CACNA1A: variants seen among roughly 807,000 people sequenced by gnomAD.
CACNA1A encodes voltage-dependent P/Q-type calcium channel subunit alpha-1A.
In CACNA1A, 57 loss-of-function variants were observed where a neutral mutation model predicts 262.4. The observed-to-expected ratio is 0.22, with a 90% confidence interval of 0.18 to 0.27. The LOEUF is 0.27. Ranked by LOEUF, CACNA1A falls within the 10% of genes least tolerant of loss-of-function variation. The pLI is 1.00. For missense variants in CACNA1A, 2,526 were observed against 3,562.8 expected (o/e 0.71, Z 7.41); for synonymous variants, 1,431 against 1,419.3 (o/e 1.01, Z -0.18).
chr19:13,303,489 G>T, intron 17 of CACNA1A, 57 bp downstream of exon 17: 1 of 247,856 alleles, frequency 4.0e-6, no homozygotes, highest in Non-Finnish European at 6.4e-6. Context: ...CCCCCGTCCT[G>T]ATCTGCCATG....
At chr19:13,448,046 G>A (rs2060847367) in intron 3 of CACNA1A, among the ~76,000 whole-genome samples, 1 of 148,920 alleles carries the variant, frequency 6.7e-6, no homozygotes, top group African/African-American at 2.5e-5. Flanking sequence ...AATAATATAT[G>A]AGCTTCCCTA....
intron 24 of CACNA1A, among the ~76,000 whole-genome samples, chr19:13,265,132 C>G (rs180756468): frequency 1.8e-4 from 28 of 152,304 alleles, no homozygotes; most frequent in Non-Finnish European, 1.8e-4. Flanking sequence ...GCCTTGACTC[C>G]CAAAGTGCTG....
chr19:13,318,095 C>T (rs1312433992), intron 10 of CACNA1A, among the ~76,000 whole-genome samples: 1 of 151,780 alleles, frequency 6.6e-6, no homozygotes, highest in Non-Finnish European at 1.5e-5. Flanking sequence ...CCAGCCTGGG[C>T]AACACAGCGA....
At chr19:13,269,135 T>G (rs938563355) in intron 24 of CACNA1A, among the ~76,000 whole-genome samples, 17 of 151,586 alleles carry the variant, frequency 1.1e-4, no homozygotes, top group Admixed American at 3.9e-4. Context: ...TAGCTGGGAC[T>G]ACAGGTGAGA....
intron 30 of CACNA1A, among the ~76,000 whole-genome samples, chr19:13,250,896 C>T (rs2056377773): frequency 6.6e-6 from 1 of 152,068 alleles, no homozygotes; most frequent in Non-Finnish European, 1.5e-5. Context: ...TTTTGGGAGG[C>T]TGAAGCAGGC....
At chr19:13,305,858 G>A (rs866371780) in intron 15 of CACNA1A, among the ~76,000 whole-genome samples, 1 of 152,052 alleles carries the variant, frequency 6.6e-6, no homozygotes, top group Non-Finnish European at 1.5e-5. Flanking sequence ...CCAGGAGTTC[G>A]AGACCAGCCT....
intron 6 of CACNA1A, among the ~76,000 whole-genome samples, chr19:13,340,087 A>AGACTCTG (rs2058651087): frequency 6.6e-6 from 1 of 152,132 alleles, no homozygotes; most frequent in Non-Finnish European, 1.5e-5. Flanking sequence ...GCCAGTAGGG[A>AGACTCTG]GACTCTGAGC....
intron 37 of CACNA1A, among the ~76,000 whole-genome samples, chr19:13,226,754 G>A (rs2055464716): frequency 6.6e-6 from 1 of 152,210 alleles, no homozygotes; most frequent in Non-Finnish European, 1.5e-5. Context: ...CTGCATCAGT[G>A]TGCCACCGTC....
At chr19:13,479,040 G>A (rs1456153019) in intron 1 of CACNA1A, among the ~76,000 whole-genome samples, 1 of 152,198 alleles carries the variant, frequency 6.6e-6, no homozygotes, top group African/African-American at 2.4e-5. Flanking sequence ...CAGGCATGGT[G>A]GTGGGTGCCT....
chr19:13,286,126 A>G (rs2057393143), intron 20 of CACNA1A, among the ~76,000 whole-genome samples: 1 of 151,850 alleles, frequency 6.6e-6, no homozygotes, highest in Non-Finnish European at 1.5e-5. Context: ...TTAAACTGAC[A>G]TTTGCATGTG....
At chr19:13,239,865 T>G (rs983510015) in intron 31 of CACNA1A, among the ~76,000 whole-genome samples, 1 of 151,492 alleles carries the variant, frequency 6.6e-6, no homozygotes. Flanking sequence ...GAATGAGGAT[T>G]AGAGGCCAGG....
At chr19:13,344,175 CT>C (rs2058721866) in intron 6 of CACNA1A, among the ~76,000 whole-genome samples, 1 of 142,704 alleles carries the variant, frequency 7.0e-6, no homozygotes, top group Non-Finnish European at 1.5e-5. Context: ...GATCATGCTG[CT>C]GTACTCCAGC....
intron 2 of CACNA1A, among the ~76,000 whole-genome samples, chr19:13,453,616 G>T (rs1274036718): frequency 6.6e-6 from 1 of 152,164 alleles, no homozygotes; most frequent in Non-Finnish European, 1.5e-5. Flanking sequence ...TTCTGTACTG[G>T]CTGATAAGTG....
intron 3 of CACNA1A, among the ~76,000 whole-genome samples, chr19:13,442,136 C>T (rs900654924): frequency 6.6e-6 from 1 of 152,030 alleles, no homozygotes; most frequent in South Asian, 2.1e-4. Flanking sequence ...GCCGAGTAGA[C>T]CCCAAGGCAA....
chr19:13,479,030 C>T (rs1978923928), intron 1 of CACNA1A, among the ~76,000 whole-genome samples: 2 of 152,052 alleles, frequency 1.3e-5, no homozygotes, highest in African/African-American at 2.4e-5. Context: ...AAAAATTAGC[C>T]AGGCATGGTG....
chr19:13,489,003 C>CTTTTTTTTTCT (rs1980407116), intron 1 of CACNA1A, among the ~76,000 whole-genome samples: 1 of 75,226 alleles, frequency 1.3e-5, no homozygotes. Context: ...CTTTTCTTTT[C>CTTTTTTTTTCT]TTTTTTTTTT....
chr19:13,344,058 A>AAAAAT (rs1427578795), intron 6 of CACNA1A, among the ~76,000 whole-genome samples: 1 of 151,998 alleles, frequency 6.6e-6, no homozygotes, highest in Admixed American at 6.6e-5. Flanking sequence ...AAATAAAAAT[A>AAAAAT]AAAAAATTAG....
intron 3 of CACNA1A, among the ~76,000 whole-genome samples, chr19:13,392,585 TA>T (rs1199955421): frequency 6.6e-6 from 1 of 152,178 alleles, no homozygotes; most frequent in Non-Finnish European, 1.5e-5. Flanking sequence ...AGGAGCAAAA[TA>T]AAAACAAACT....
intron 3 of CACNA1A, among the ~76,000 whole-genome samples, chr19:13,433,882 C>G (rs1205907012): frequency 1.3e-5 from 2 of 152,220 alleles, no homozygotes; most frequent in Admixed American, 6.5e-5. Flanking sequence ...AGGGTCTTTA[C>G]TTTCCAGAAT....
Sources: gnomAD v4.1 joint callset for allele counts (sites outside exome capture counted in the v4.1 genomes callset) on GRCh38, gnomAD v4.1.1 for gene constraint, MANE v1.5 for transcripts, NCBI Gene and HGNC (gene_info 2026-07-23, HGNC 2026-07-21) for gene names.